FAM135B: variants seen among roughly 807,000 people sequenced by gnomAD.
The protein encoded by FAM135B is protein FAM135B.
Under a neutral mutation model 127.7 loss-of-function variants are expected in FAM135B, and 43 were observed. The ratio of observed to expected loss-of-function variants is 0.34; its 90% CI spans 0.26 to 0.43. FAM135B has a LOEUF of 0.43. Among genes scored for constraint, FAM135B ranks in the 20% least tolerant of loss-of-function variants. The pLI is 1.00. For synonymous variants in FAM135B, 670 were observed against 665.1 expected, an observed-to-expected ratio of 1.01 and a Z score of -0.11; for missense variants, 1,558 against 1,725.6, an observed-to-expected ratio of 0.90 and a Z score of 1.72.
chr8:138,282,045 C>G (rs569066172), intron 3 of FAM135B, among the ~76,000 whole-genome samples: 7 of 152,266 alleles, frequency 4.6e-5, no homozygotes, highest in Non-Finnish European at 8.8e-5. Context: ...TGTGCATTTT[C>G]CAAGTCCTAC....
intron 1 of FAM135B, among the ~76,000 whole-genome samples, chr8:138,457,833 C>G (rs1364581997): frequency 6.6e-6 from 1 of 152,042 alleles, no homozygotes; most frequent in Non-Finnish European, 1.5e-5. Flanking sequence ...AAAAATTAGC[C>G]AGGCGCCCTG....
At chr8:138,323,997 C>T (rs912009468) in intron 2 of FAM135B, among the ~76,000 whole-genome samples, 2 of 152,308 alleles carry the variant, frequency 1.3e-5, no homozygotes, top group East Asian at 1.9e-4. Context: ...GGGCCAAAGC[C>T]ACAGGTGACA....
chr8:138,334,124 T>C (rs1828379560), intron 2 of FAM135B, among the ~76,000 whole-genome samples: 1 of 152,164 alleles, frequency 6.6e-6, no homozygotes, highest in South Asian at 2.1e-4. Flanking sequence ...GGTTTTGCCA[T>C]GTTTGCCAGG....
At chr8:138,396,236 G>A (rs1343629662) in intron 1 of FAM135B, among the ~76,000 whole-genome samples, 1 of 152,160 alleles carries the variant, frequency 6.6e-6, no homozygotes, top group East Asian at 1.9e-4. Flanking sequence ...TGTAAGCCCT[G>A]TGCACATCCT....
intron 2 of FAM135B, among the ~76,000 whole-genome samples, chr8:138,315,557 T>C (rs548659578): frequency 6.6e-6 from 1 of 152,070 alleles, no homozygotes; most frequent in East Asian, 1.9e-4. Flanking sequence ...ATAGCCCAGA[T>C]ACAGAAACAA....
intron 3 of FAM135B, among the ~76,000 whole-genome samples, chr8:138,297,142 C>A (rs902099070): frequency 6.6e-6 from 1 of 152,146 alleles, no homozygotes; most frequent in African/African-American, 2.4e-5. Context: ...GCATCTGCTA[C>A]GTCACTCCCT....
intron 7 of FAM135B, among the ~76,000 whole-genome samples, chr8:138,231,216 T>C (rs1819885431): frequency 6.6e-6 from 1 of 152,074 alleles, no homozygotes; most frequent in Non-Finnish European, 1.5e-5. Flanking sequence ...ATACAGGGTT[T>C]TGTCTTGTTG....
At position 138,276,640 on chromosome 8, in the gene FAM135B, C is replaced by T. The variant is rs533755344; in HGVS notation, c.158-10798G>A. On this transcript the variant is annotated intron_variant, in intron 3 of 19. Transcript: ENST00000395297. Reference sequence around the variant, plus strand: ...GTTCTGAGGCACCCTCCAACCCAAGCGCTGAATGAGCTGTCTCCACCACAG... The same window carrying T: ...GTTCTGAGGCACCCTCCAACCCAAGTGCTGAATGAGCTGTCTCCACCACAG... 7.2e-5 allele frequency among the ~76,000 whole-genome samples: 11 copies of T among 152,312 alleles called. No homozygotes were observed. The East Asian group carries it at 9.7e-4, about 13-fold the overall frequency.
intron 3 of FAM135B, among the ~76,000 whole-genome samples, chr8:138,270,736 T>C (rs1823313986): frequency 6.6e-6 from 1 of 152,256 alleles, no homozygotes; most frequent in African/African-American, 2.4e-5. Context: ...TCACACCCAG[T>C]AGGGTAAAGC....
At chr8:138,309,506 C>T (rs918859291) in intron 3 of FAM135B, among the ~76,000 whole-genome samples, 5 of 152,202 alleles carry the variant, frequency 3.3e-5, no homozygotes, top group Admixed American at 2.6e-4. Flanking sequence ...AGATCACAGA[C>T]TTGAGTTATC....
intron 3 of FAM135B, among the ~76,000 whole-genome samples, chr8:138,285,224 G>A (rs888106241): frequency 1.1e-4 from 13 of 122,810 alleles, no homozygotes; most frequent in South Asian, 5.7e-4. Context: ...TCGACTCACC[G>A]CAACCTCTGC....
At chr8:138,217,251 A>G (rs1463139512) in intron 7 of FAM135B, among the ~76,000 whole-genome samples, 1 of 152,178 alleles carries the variant, frequency 6.6e-6, no homozygotes, top group African/African-American at 2.4e-5. Flanking sequence ...GGCTAGAATT[A>G]TCAATATACT....
intron 11 of FAM135B, among the ~76,000 whole-genome samples, chr8:138,176,532 T>C (rs954723557): frequency 2.0e-5 from 3 of 152,338 alleles, no homozygotes; most frequent in African/African-American, 7.2e-5. Flanking sequence ...ACCCCCTTAC[T>C]TGCAGAATCC....
chr8:138,339,695 C>A (rs991611293), intron 2 of FAM135B, among the ~76,000 whole-genome samples: 6 of 152,172 alleles, frequency 3.9e-5, no homozygotes, highest in African/African-American at 1.2e-4. Context: ...AGAGCTGCAG[C>A]ATCACAGAGT....
At chr8:138,336,546 G>T (rs528516443) in intron 2 of FAM135B, among the ~76,000 whole-genome samples, 3 of 152,214 alleles carry the variant, frequency 2.0e-5, no homozygotes, top group African/African-American at 4.8e-5. Context: ...ACCCTCCCAA[G>T]ACTAAACCAG....
intron 2 of FAM135B, among the ~76,000 whole-genome samples, chr8:138,341,454 G>C (rs1355289314): frequency 1.3e-5 from 2 of 152,162 alleles, no homozygotes; most frequent in Non-Finnish European, 2.9e-5. Flanking sequence ...TGTTTAGTGG[G>C]TTCAGAGTTT....
chr8:138,310,761 C>T, intron 3 of FAM135B, 80 bp downstream of exon 3: 1 of 1,316,568 alleles, frequency 7.6e-7, no homozygotes, highest in Non-Finnish European at 1.1e-6. Flanking sequence ...ATGCCTTGCA[C>T]TCTGCTGTGC....
At chr8:138,336,429 C>T (rs533898595) in intron 2 of FAM135B, among the ~76,000 whole-genome samples, 4 of 151,944 alleles carry the variant, frequency 2.6e-5, no homozygotes, top group South Asian at 4.1e-4. Context: ...GGGGATATCA[C>T]CACTGATCCC....
chr8:138,154,553 T>C (rs1034798530), intron 12 of FAM135B, among the ~76,000 whole-genome samples: 5 of 152,068 alleles, frequency 3.3e-5, no homozygotes, highest in Admixed American at 3.3e-4. Flanking sequence ...TGAAAAAAGA[T>C]TAGACAAATG....
Sources: gnomAD v4.1 joint callset for allele counts (sites outside exome capture counted in the v4.1 genomes callset) on GRCh38, gnomAD v4.1.1 for gene constraint, MANE v1.5 for transcripts, NCBI Gene and HGNC (gene_info 2026-07-23, HGNC 2026-07-21) for gene names.